DKK3: variants seen among roughly 807,000 people sequenced by gnomAD.
The protein encoded by DKK3 is dickkopf-related protein 3.
Under a neutral mutation model 33.2 loss-of-function variants are expected in DKK3, and 22 were observed. That is an observed-to-expected ratio of 0.66 (90% CI 0.47 to 0.95). DKK3 has a LOEUF of 0.95. DKK3 is among the 40% of genes least tolerant of loss of function. The pLI is 0.00. For missense variants in DKK3, 398 were observed against 458.4 expected (o/e 0.87, Z 1.20); for synonymous variants, 194 against 188.8 (o/e 1.03, Z -0.23).
intron 3 of DKK3, among the ~76,000 whole-genome samples, chr11:11,991,405 A>G (rs1422013869): frequency 6.6e-6 from 1 of 152,080 alleles, no homozygotes; most frequent in Admixed American, 6.5e-5. Context: ...TTCTCGCTCT[A>G]TTAGTTCCCA....
intron 2 of DKK3, 168 bp downstream of exon 2, chr11:12,002,132 C>A: frequency 1.4e-6 from 1 of 729,676 alleles, no homozygotes; most frequent in Non-Finnish European, 2.1e-6. Flanking sequence ...CATTGTCTCT[C>A]CACTTTCAAC....
intron 3 of DKK3, among the ~76,000 whole-genome samples, chr11:11,984,427 C>T (rs531152875): frequency 3.0e-5 from 4 of 131,208 alleles, no homozygotes; most frequent in South Asian, 3.0e-4. Flanking sequence ...GCTATTGGTA[C>T]GAAGTACTGC....
intron 3 of DKK3, among the ~76,000 whole-genome samples, chr11:11,971,831 GA>G (rs970866927): frequency 2.0e-5 from 3 of 151,946 alleles, no homozygotes; most frequent in African/African-American, 7.3e-5. Flanking sequence ...TCTAGGTACG[GA>G]AAAAAAATTT....
In DKK3 at chr11:12,008,223, T is replaced by C; in HGVS notation, c.213+147A>G. On this transcript the variant is annotated intron_variant, in intron 1 of 6. Transcript: ENST00000683431. This position sits in a 1 kb window ranked among gnomAD's most constrained non-coding sequence, Gnocchi z 4.6. The stretch of plus-strand genomic sequence containing the variant: ...GGAGTAGGGATCACCGTGCGCTGCC[T>C]CCAGGTCACTCCGCATCTGCTGTCG... 3 of 1,084,874 alleles carry C rather than the reference T, an allele frequency of 2.8e-6. No individual in the cohort carries two copies. Among genetic ancestry groups the C allele is most frequent in the Non-Finnish European group, 3.8e-6 (3 of 782,812 alleles). 67.2% of individuals were successfully genotyped at this position (1,084,874 alleles called of 1,614,324 possible).
chr11:11,985,690 T>C (rs1404271095), intron 3 of DKK3, among the ~76,000 whole-genome samples: 1 of 152,242 alleles, frequency 6.6e-6, no homozygotes, highest in African/African-American at 2.4e-5. Flanking sequence ...TTTCACTCCT[T>C]ATCTTTAACT....
At chr11:11,976,312 A>G (rs975312891) in intron 3 of DKK3, among the ~76,000 whole-genome samples, 1 of 152,224 alleles carries the variant, frequency 6.6e-6, no homozygotes, top group African/African-American at 2.4e-5. Flanking sequence ...GGATGGGCCA[A>G]CTACCAACAA....
At chr11:11,985,321 C>T (rs908942274) in intron 3 of DKK3, among the ~76,000 whole-genome samples, 3 of 152,192 alleles carry the variant, frequency 2.0e-5, no homozygotes, top group Non-Finnish European at 4.4e-5. Flanking sequence ...TAAAATGACC[C>T]GCTCCCCCGA....
chr11:12,008,291 C>T lies in DKK3; in HGVS notation c.213+79G>A. 1.3e-6 allele frequency: 2 copies of T among 1,490,794 alleles called. No homozygotes were observed. The highest frequency in any genetic ancestry group is 8.9e-7 in the Non-Finnish European group (1 of 1,121,422). 92.3% of individuals were successfully genotyped at this position (1,490,794 alleles called of 1,614,324 possible). ...CGCGGGACCCGAGGTCCCTGGCCAGCGCTCTTCCATGCCTTCCCAGACTTC... is the reference window on the plus strand; with the variant it reads ...CGCGGGACCCGAGGTCCCTGGCCAGTGCTCTTCCATGCCTTCCCAGACTTC... On this transcript the variant is annotated intron_variant, in intron 1 of 6. Transcript: ENST00000683431. This position sits in a 1 kb window ranked among gnomAD's most constrained non-coding sequence, Gnocchi z 4.6.
upstream of DKK3, chr11:12,008,861 G>T: frequency 8.8e-7 from 1 of 1,142,190 alleles, no homozygotes; most frequent in Non-Finnish European, 1.1e-6. This position sits in a 1 kb window ranked among gnomAD's most constrained non-coding sequence, Gnocchi z 4.6. Context: ...GCTGAGCTCT[G>T]CTCCTCACCT....
At chr11:11,979,674 A>G (rs902368749) in intron 3 of DKK3, 11 of 152,274 alleles carry the variant, frequency 7.2e-5, no homozygotes, top group Non-Finnish European at 1.5e-4. Flanking sequence ...AGATGCTCCC[A>G]CCAAGTCATA....
intron 3 of DKK3, 188 bp from the exon 4 acceptor site, chr11:11,968,675 A>C: frequency 9.6e-6 from 5 of 521,390 alleles, no homozygotes; most frequent in Admixed American, 3.7e-5. Flanking sequence ...CAGCATCTCC[A>C]TGCCTAGGAG....
At position 12,008,118 on chromosome 11, in the gene DKK3, A is replaced by G. The variant is rs553560045; in HGVS notation, c.213+252T>C. Among the ~76,000 whole-genome samples, 12 of 151,228 alleles carry G rather than the reference A, an allele frequency of 7.9e-5. No homozygotes were observed. Among genetic ancestry groups the G allele is most frequent in the Non-Finnish European group, 1.6e-4 (11 of 67,810 alleles). ...CTGCAGGCAGGTGGTGGCCCCAGCT[A>G]CCTAGGGAGGGTCCAGTGCAGAGCC... On this transcript the variant is annotated intron_variant, in intron 1 of 6. Coordinates refer to ENST00000683431, the MANE Select transcript of DKK3 (RefSeq NM_001018057.2). The surrounding 1 kb of genome is among the most constrained non-coding windows in gnomAD (Gnocchi z 4.6).
chr11:11,982,397 T>C (rs1391832808), intron 3 of DKK3, among the ~76,000 whole-genome samples: 2 of 152,042 alleles, frequency 1.3e-5, no homozygotes, highest in African/African-American at 4.8e-5. Context: ...GTCTGAAGGG[T>C]GGTACCTGCT....
intron 2 of DKK3, 93 bp from the exon 3 acceptor site, chr11:11,998,872 G>T (rs2133323770): frequency 8.1e-7 from 1 of 1,227,666 alleles, no homozygotes; most frequent in Non-Finnish European, 1.2e-6. Flanking sequence ...ATTTTCTGAA[G>T]CAGGAGCATC....
At chr11:12,003,742 T>TA (rs916779042) in intron 1 of DKK3, among the ~76,000 whole-genome samples, 1 of 148,796 alleles carries the variant, frequency 6.7e-6, no homozygotes, top group East Asian at 2.0e-4. Context: ...TTTTATTTTT[T>TA]TTTTTAAAAA....
chr11:11,971,914 C>T (rs1454937243), intron 3 of DKK3, among the ~76,000 whole-genome samples: 1 of 152,150 alleles, frequency 6.6e-6, no homozygotes, highest in South Asian at 2.1e-4. Flanking sequence ...TTTGGGGTAT[C>T]AGCAAGGAGT....
chr11:11,972,431 G>C (rs956716722), intron 3 of DKK3, among the ~76,000 whole-genome samples: 2 of 152,162 alleles, frequency 1.3e-5, no homozygotes, highest in African/African-American at 4.8e-5. Flanking sequence ...ACATCCTGAG[G>C]GTGTCAAACA....
intron 3 of DKK3, among the ~76,000 whole-genome samples, chr11:11,996,549 G>C (rs1211489693): frequency 6.6e-6 from 1 of 152,202 alleles, no homozygotes. Context: ...TCTCCAATCT[G>C]TTCTCCAAAG....
At chr11:11,966,806 G>A (rs1847607350) in intron 5 of DKK3, 148 bp downstream of exon 5, 2 of 1,091,146 alleles carry the variant, frequency 1.8e-6, no homozygotes, top group Admixed American at 2.7e-5. Flanking sequence ...GAGGCTGTGG[G>A]AGTGCAGCAC....
Sources: allele counts gnomAD v4.1 joint callset (sites outside exome capture counted in the v4.1 genomes callset), GRCh38; gene constraint gnomAD v4.1.1; non-coding constraint Gnocchi (gnomAD v3.1); transcripts MANE v1.5; gene names NCBI Gene and HGNC (gene_info 2026-07-23, HGNC 2026-07-21).